JARID2: variants seen among roughly 807,000 people sequenced by gnomAD.
The protein encoded by JARID2 is protein Jumonji.
A neutral mutation model predicts 125.6 loss-of-function variants in JARID2; 21 were observed. The observed-to-expected ratio is 0.17, with a 90% CI of 0.12 to 0.24. JARID2 has a LOEUF of 0.24. Among genes scored for constraint, JARID2 ranks in the 10% least tolerant of loss-of-function variants. The pLI is 1.00. For missense variants in JARID2, 1,303 were observed against 1,639.6 expected, an observed-to-expected ratio of 0.79 and a Z score of 3.55; for synonymous variants, 736 against 661.6, an observed-to-expected ratio of 1.11 and a Z score of -1.73.
chr6:15,427,316 A>G (rs952706361), intron 3 of JARID2, among the ~76,000 whole-genome samples: 1 of 152,208 alleles, frequency 6.6e-6, no homozygotes, highest in Non-Finnish European at 1.5e-5. Context: ...TTGGGACTTC[A>G]TATTCACCCC....
chr6:15,303,834 G>T (rs1761715792), intron 1 of JARID2, among the ~76,000 whole-genome samples: 1 of 152,170 alleles, frequency 6.6e-6, no homozygotes, highest in Non-Finnish European at 1.5e-5. Flanking sequence ...AGTGTAAGGT[G>T]CCTTCTTTTT....
chr6:15,251,530 T>A (rs1415444503), intron 1 of JARID2, among the ~76,000 whole-genome samples: 2 of 152,236 alleles, frequency 1.3e-5, no homozygotes. Flanking sequence ...CTGACTGATA[T>A]CCCAGGATAC....
chr6:15,397,883 G>A (rs1765276478), intron 2 of JARID2, among the ~76,000 whole-genome samples: 1 of 152,174 alleles, frequency 6.6e-6, no homozygotes, highest in Non-Finnish European at 1.5e-5. Context: ...CAATAAACTA[G>A]AAGCGCCTTA....
At chr6:15,376,360 G>A (rs1174792875) in intron 2 of JARID2, among the ~76,000 whole-genome samples, 1 of 152,064 alleles carries the variant, frequency 6.6e-6, no homozygotes, top group East Asian at 1.9e-4. Context: ...TCTGTATGTG[G>A]GATTTCTATA....
chr6:15,465,032 T>A (rs977778101), intron 4 of JARID2, among the ~76,000 whole-genome samples: 1 of 152,218 alleles, frequency 6.6e-6, no homozygotes, highest in African/African-American at 2.4e-5. Context: ...TTCTAATCTT[T>A]CTTCCATTTT....
chr6:15,306,885 TATTA>T (rs978662670), intron 1 of JARID2, among the ~76,000 whole-genome samples: 1 of 148,276 alleles, frequency 6.7e-6, no homozygotes, highest in Non-Finnish European at 1.5e-5. Context: ...ATATATTTTA[TATTA>T]ATTACATTAT....
At chr6:15,372,307 A>T (rs1382487781) in intron 1 of JARID2, among the ~76,000 whole-genome samples, 1 of 152,042 alleles carries the variant, frequency 6.6e-6, no homozygotes, top group Non-Finnish European at 1.5e-5. Context: ...AACAAAGGGA[A>T]CCTGAATATC....
At chr6:15,353,693 T>TG (rs1329236155) in intron 1 of JARID2, among the ~76,000 whole-genome samples, 1 of 152,136 alleles carries the variant, frequency 6.6e-6, no homozygotes, top group Non-Finnish European at 1.5e-5. Flanking sequence ...GTAAACCCCT[T>TG]CAACCAATAC....
At chr6:15,413,008 G>GTTTTTGTTTT (rs1765958811) in intron 3 of JARID2, among the ~76,000 whole-genome samples, 19 of 47,492 alleles carry the variant, frequency 4.0e-4, no homozygotes, top group South Asian at 1.3e-3. Flanking sequence ...TTGTGTTTTT[G>GTTTTTGTTTT]TTTTTTTTTT....
At chr6:15,353,996 T>C (rs1369769780) in intron 1 of JARID2, among the ~76,000 whole-genome samples, 2 of 152,230 alleles carry the variant, frequency 1.3e-5, no homozygotes, top group Non-Finnish European at 2.9e-5. Context: ...CACATCCCTG[T>C]ATAGCCTTTT....
At chr6:15,280,950 TG>T (rs1760726305) in intron 1 of JARID2, among the ~76,000 whole-genome samples, 1 of 152,164 alleles carries the variant, frequency 6.6e-6, no homozygotes. Flanking sequence ...ATGTGATTTT[TG>T]CCTTTTTGTG....
intron 3 of JARID2, among the ~76,000 whole-genome samples, chr6:15,430,030 C>T (rs1181342459): frequency 1.3e-5 from 2 of 152,294 alleles, no homozygotes; most frequent in Non-Finnish European, 2.9e-5. Context: ...AGGCAAAATT[C>T]CATCTTCTTG....
At chr6:15,513,204 C>T (rs767520291) in intron 15 of JARID2, 35 bp from the exon 16 acceptor site, 4 of 1,554,348 alleles carry the variant, frequency 2.6e-6, no homozygotes, top group Non-Finnish European at 3.5e-6. Context: ...GGCAGGCCGT[C>T]ACTAAAGGTG....
At chr6:15,395,770 T>G (rs1260666025) in intron 2 of JARID2, among the ~76,000 whole-genome samples, 1 of 152,138 alleles carries the variant, frequency 6.6e-6, no homozygotes, top group East Asian at 1.9e-4. Context: ...GTGCAAGTGC[T>G]TCCCCTGCCT....
intron 1 of JARID2, among the ~76,000 whole-genome samples, chr6:15,353,101 A>G (rs1243657891): frequency 2.6e-5 from 4 of 152,184 alleles, no homozygotes; most frequent in Non-Finnish European, 4.4e-5. Flanking sequence ...GCAACTGTTT[A>G]ACCTTTTGAG....
intron 1 of JARID2, among the ~76,000 whole-genome samples, chr6:15,366,743 A>G (rs1763993589): frequency 6.6e-6 from 1 of 152,004 alleles, no homozygotes; most frequent in South Asian, 2.1e-4. Flanking sequence ...GCCCCTGCCC[A>G]GTGGAAGCAG....
At chr6:15,310,154 T>G (rs1460899421) in intron 1 of JARID2, among the ~76,000 whole-genome samples, 3 of 152,274 alleles carry the variant, frequency 2.0e-5, no homozygotes, top group South Asian at 2.1e-4. Context: ...ATAGGTAATT[T>G]AATTTCCAGA....
chr6:15,473,469 T>A (rs1769176623), intron 5 of JARID2, among the ~76,000 whole-genome samples: 1 of 135,926 alleles, frequency 7.4e-6, no homozygotes, highest in Non-Finnish European at 1.5e-5. Flanking sequence ...TGTCACTTGG[T>A]GATGCTACCT....
chr6:15,271,716 C>A (rs1018711286), intron 1 of JARID2, among the ~76,000 whole-genome samples: 1 of 152,122 alleles, frequency 6.6e-6, no homozygotes, highest in Non-Finnish European at 1.5e-5. Context: ...AACAGTGATG[C>A]GGGCCAAGCA....
Sources: allele counts gnomAD v4.1 joint callset (sites outside exome capture counted in the v4.1 genomes callset), GRCh38; gene constraint gnomAD v4.1.1; transcripts MANE v1.5; gene names NCBI Gene and HGNC (gene_info 2026-07-23, HGNC 2026-07-21).